The following TTC6 variants were observed in gnomAD, a reference collection of about 807,000 sequenced individuals.
The protein encoded by TTC6 is tetratricopeptide repeat protein 6.
A neutral mutation model predicts 210.4 loss-of-function variants in TTC6; 172 were observed. The ratio of observed to expected loss-of-function variants is 0.82; its 90% CI spans 0.72 to 0.93. The LOEUF (loss-of-function observed/expected upper bound fraction) is 0.93, where lower values mean the gene tolerates loss of function less well. Among genes scored for constraint, TTC6 ranks in the 40% least tolerant of loss-of-function variants. The pLI, the probability that TTC6 is intolerant of heterozygous loss-of-function variation, is 0.00. For synonymous variants in TTC6, 804 were observed against 819.6 expected, an observed-to-expected ratio of 0.98 and a Z score of 0.32; for missense variants, 2,414 against 2,318.1, an observed-to-expected ratio of 1.04 and a Z score of -0.85.
intron 5 of TTC6, among the ~76,000 whole-genome samples, chr14:37,707,848 A>G (rs985738310): frequency 3.9e-5 from 6 of 152,094 alleles, no homozygotes; most frequent in African/African-American, 1.2e-4. Context: ...TTGACTGTTT[A>G]TCTTGGAGGT....
At chr14:37,622,996 C>A in exon 1 of TTC6, 1 of 1,467,398 alleles carries the variant, frequency 6.8e-7, no homozygotes. Flanking sequence ...TACGACATTA[C>A]AATGGAAGTA....
chr14:37,622,403 G>C lies in TTC6; in HGVS notation c.339G>C (p.Arg113=), dbSNP rs1259373916. 4 of 1,534,272 alleles carry C rather than the reference G, an allele frequency of 2.6e-6. No individual in the cohort carries two copies. In the East Asian group the frequency reaches 7.4e-5, roughly 28 times the overall value. The stretch of plus-strand genomic sequence containing the variant: ...AGGCGGCGGCTCCAGGCAAGACCCG[G>C]TCGTTTCGCCCCCGGGACTTTTACT... Residue 113 remains arginine, a synonymous_variant, in exon 1 of 31, where the codon CGG becomes CGC. Coordinates refer to ENST00000553443, the Ensembl canonical transcript of TTC6.
At chr14:37,750,908 G>GAATAA (rs1264729514) in intron 12 of TTC6, 145 bp from the exon 15 acceptor site, 7 of 471,304 alleles carry the variant, frequency 1.5e-5, no homozygotes, top group Non-Finnish European at 2.5e-5. Context: ...AAATAAAATA[G>GAATAA]AATAAAATAA....
intron 1 of TTC6, among the ~76,000 whole-genome samples, chr14:37,605,402 C>A (rs2095623304): frequency 6.6e-6 from 1 of 152,172 alleles, no homozygotes; most frequent in South Asian, 2.1e-4. Flanking sequence ...AAAATATATC[C>A]TTCACTGGAA....
chr14:37,737,811 T>TC lies in TTC6; in HGVS notation c.1983+77_1983+78insC, dbSNP rs2095906023. 3.8e-6 allele frequency: 3 copies of TC among 791,794 alleles called. No individual in the cohort carries two copies. In the South Asian group the frequency reaches 6.1e-5, roughly 16 times the overall value. The allele number at this position is 791,794 out of a possible 1,614,324, so 49.0% of individuals were successfully genotyped here. On this transcript the variant is annotated intron_variant, in intron 9 of 30. Coordinates refer to ENST00000553443, the Ensembl canonical transcript of TTC6. ...GGAATAATAATCACCTTATTTTTTT[T>TC]TAAAAGCATCTACTTCTATATTATA...
rs574993338 is a variant in TTC6 at position 37,635,445 on chromosome 14, A to G, written c.939+12442A>G. On this transcript the variant is annotated intron_variant, in intron 1 of 30. Transcript: ENST00000553443. ...AACAAAAAAATAAAGTGGCAGACTT[A>G]AATCCTAAGATATCAGTAACTGTAA... 2.0e-5 allele frequency among the ~76,000 whole-genome samples: 3 copies of G among 152,378 alleles called. No individual in the cohort carries two copies. The East Asian group carries it at 5.8e-4, about 29-fold the overall frequency.
intron 14 of TTC6, among the ~76,000 whole-genome samples, chr14:37,762,487 T>C (rs982839243): frequency 1.3e-5 from 2 of 152,230 alleles, no homozygotes; most frequent in Non-Finnish European, 2.9e-5. Flanking sequence ...CCAAATTTGT[T>C]ATCTTTCATC....
At chr14:37,739,251 G>T (rs1413245438) in intron 10 of TTC6, 96 bp downstream of exon 12, 2 of 1,220,546 alleles carry the variant, frequency 1.6e-6, no homozygotes, top group East Asian at 5.2e-5. Context: ...ATTTTATTCT[G>T]CACTGAACAT....
At chr14:37,809,980 C>G (rs924225672) in intron 24 of TTC6, among the ~76,000 whole-genome samples, 4 of 152,186 alleles carry the variant, frequency 2.6e-5, no homozygotes, top group Non-Finnish European at 4.4e-5. Flanking sequence ...TCCCGCTGTT[C>G]TGTGTTCACA....
chr14:37,814,832 A>T (rs1160700561), intron 25 of TTC6, among the ~76,000 whole-genome samples: 5 of 152,210 alleles, frequency 3.3e-5, no homozygotes, highest in African/African-American at 1.2e-4. Flanking sequence ...AGAGGTCTGC[A>T]TGAAAAACCA....
chr14:37,657,167 G>T (rs1020673877), intron 1 of TTC6, among the ~76,000 whole-genome samples: 3 of 137,068 alleles, frequency 2.2e-5, no homozygotes, highest in Non-Finnish European at 4.6e-5. Flanking sequence ...AGTCGCGATT[G>T]CGCAGTTGTA....
intron 1 of TTC6, among the ~76,000 whole-genome samples, chr14:37,640,894 A>G (rs1255140344): frequency 6.6e-6 from 1 of 152,194 alleles, no homozygotes; most frequent in Non-Finnish European, 1.5e-5. Flanking sequence ...CCAAGGCCTT[A>G]GAATCTTGCT....
chr14:37,727,291 ATT>A (rs368293440), intron 7 of TTC6, among the ~76,000 whole-genome samples: 287 of 92,240 alleles, frequency 3.1e-3, no homozygotes, highest in East Asian at 0.021. Flanking sequence ...TATTTTTCTA[ATT>A]TTTTTTTTTT....
At chr14:37,736,211 C>T (rs951283340) in intron 8 of TTC6, among the ~76,000 whole-genome samples, 4 of 151,934 alleles carry the variant, frequency 2.6e-5, no homozygotes, top group Non-Finnish European at 5.9e-5. Context: ...TATGGTGAAA[C>T]CCCATCTCTA....
chr14:37,716,923 A>G (rs2138776096), intron 6 of TTC6, among the ~76,000 whole-genome samples: 1 of 152,248 alleles, frequency 6.6e-6, no homozygotes, highest in South Asian at 2.1e-4. Flanking sequence ...TAAAACTAGA[A>G]ATCAGTAAGA....
At chr14:37,611,934 C>T (rs988247909) in intron 2 of TTC6, among the ~76,000 whole-genome samples, 6 of 152,064 alleles carry the variant, frequency 3.9e-5, no homozygotes, top group Admixed American at 1.3e-4. Context: ...TTGAAACCCA[C>T]GACCCACAAT....
At chr14:37,789,774 C>G (rs1218846752) in intron 15 of TTC6, among the ~76,000 whole-genome samples, 2 of 151,768 alleles carry the variant, frequency 1.3e-5, no homozygotes, top group African/African-American at 2.4e-5. Flanking sequence ...CATATCCCTA[C>G]TGTTAAGTGG....
At chr14:37,710,002 G>A (rs767967010) in intron 5 of TTC6, among the ~76,000 whole-genome samples, 4 of 152,092 alleles carry the variant, frequency 2.6e-5, no homozygotes, top group African/African-American at 4.8e-5. Context: ...TCAGTTTAGC[G>A]ATTTGCTATG....
intron 3 of TTC6, among the ~76,000 whole-genome samples, chr14:37,694,134 G>A (rs2095809881): frequency 6.6e-6 from 1 of 152,064 alleles, no homozygotes; most frequent in Non-Finnish European, 1.5e-5. Flanking sequence ...AAAAGCTTTT[G>A]CACACCAAAG....
Sources: gnomAD v4.1 joint callset for allele counts (sites outside exome capture counted in the v4.1 genomes callset) on GRCh38, gnomAD v4.1.1 for gene constraint, MANE v1.5 for transcripts, NCBI Gene and HGNC (gene_info 2026-07-23, HGNC 2026-07-21) for gene names.